WDR6: variants seen among roughly 807,000 people sequenced by gnomAD.
WDR6 encodes the protein tRNA (34-2'-O)-methyltransferase regulator WDR6.
WDR6 carries 58 observed loss-of-function variants against 85.6 expected under a neutral mutation model. The ratio of observed to expected loss-of-function variants is 0.68; its 90% confidence interval spans 0.55 to 0.84. The LOEUF (loss-of-function observed/expected upper bound fraction) is 0.84. WDR6 is among the 40% of genes least tolerant of loss of function. The pLI, the probability that WDR6 is intolerant of heterozygous loss-of-function variation, is 0.00. For missense variants in WDR6, 1,310 were observed against 1,476.4 expected, an observed-to-expected ratio of 0.89 and a Z score of 1.85; for synonymous variants, 569 against 582.2, an observed-to-expected ratio of 0.98 and a Z score of 0.33.
chr3:49,014,749 C>T lies in WDR6; in HGVS notation c.2902+31C>T. ...TAGCTAATGTGCAACCATGGCTACC[C>T]CTCCTCACCTGTCACATAGCCCTCA... On this transcript the variant is annotated intron_variant, in intron 5 of 5. Transcript: ENST00000608424. This position sits in a 1 kb window ranked among gnomAD's most constrained non-coding sequence, Gnocchi z 4.9. 3 of 1,611,756 alleles carry T rather than the reference C, an allele frequency of 1.9e-6. No homozygotes were observed. The highest frequency in any genetic ancestry group is 2.5e-6 in the Non-Finnish European group (3 of 1,178,742).
Position 49,014,368 on chromosome 3 carries a change from C to A in WDR6, c.2667-15C>A. 1 of 1,613,520 alleles carries A rather than the reference C, an allele frequency of 6.2e-7. No individual in the cohort carries two copies. Among genetic ancestry groups the A allele is most frequent in the Non-Finnish European group, 8.5e-7 (1 of 1,179,774 alleles). Reference sequence around the variant, plus strand: ...CTAGGATGCGTTCTGAGCTGGGCCACCCCCCGCCCCCCAGGCTCTTTCTTT... The same window carrying A: ...CTAGGATGCGTTCTGAGCTGGGCCAACCCCCGCCCCCCAGGCTCTTTCTTT... On this transcript the variant is annotated splice_polypyrimidine_tract_variant and intron_variant, in intron 3 of 5. Transcript: ENST00000608424. The surrounding 1 kb of genome is among the most constrained non-coding windows in gnomAD (Gnocchi z 4.9).
chr3:49,012,554 C>T lies in WDR6; in HGVS notation c.1020C>T (p.Leu340=). ...ACCGGGGATTGGGGGTCTCGGCTCT[C>T]TGCTTCAAGTCCCGTAGTAGGCCAG... ...RGYRGLGVSA[L]CFKSRSRPGT... is the part of the protein sequence containing the mutation. Residue 340 remains leucine, a synonymous_variant, in exon 2 of 6, where the codon CTC becomes CTT. Transcript: ENST00000608424. The surrounding 1 kb of genome is among the most constrained non-coding windows in gnomAD (Gnocchi z 4.4). 1 of 1,614,010 alleles carries T rather than the reference C, an allele frequency of 6.2e-7. No homozygotes were observed.
chr3:49,012,651 C>G lies in WDR6; in HGVS notation c.1117C>G (p.Leu373Val), dbSNP rs1299082840. 6.2e-7 allele frequency: 1 copy of G among 1,614,080 alleles called. No individual in the cohort carries two copies. ...LAVTDTGALY[L>V]YDVEVKCWEQ... ...AGTGACTGATACAGGGGCCCTGTAT[C>G]TCTATGACGTCGAGGTCAAGTGCTG... The change falls in exon 2 of 6, where the codon CTC (leucine) becomes GTC (valine). Residue 373 changes from leucine (L) to valine (V), a missense_variant. Leu to Val is a conservative substitution (Grantham distance 32). Transcript: ENST00000608424. This position sits in a 1 kb window ranked among gnomAD's most constrained non-coding sequence, Gnocchi z 4.4.
chr3:49,013,942 T>C lies in WDR6; in HGVS notation c.2408T>C (p.Val803Ala). 3 of 1,613,044 alleles carry C rather than the reference T, an allele frequency of 1.9e-6. No homozygotes were observed. The highest frequency in any genetic ancestry group is 2.5e-6 in the Non-Finnish European group (3 of 1,179,974). Residue 803 changes from valine to alanine, a missense_variant, in exon 2 of 6, where the codon GTG becomes GCG. Physicochemically the swap from Val to Ala is moderately conservative, Grantham distance 64. Transcript: ENST00000608424. This position sits in a 1 kb window ranked among gnomAD's most constrained non-coding sequence, Gnocchi z 4.6. ...DPQPGLTAHV[V>A]SAGGRAEMHC... ...CAGCCAGGCCTGACTGCCCATGTGG[T>C]GTCTGCGGGGGGGCGGGCTGAGATG... is the stretch of plus-strand genomic sequence containing the variant.
At position 49,014,150 on chromosome 3, in the gene WDR6, G is replaced by C. The variant is rs772543497; in HGVS notation, c.2582+34G>C. 6 of 1,614,012 alleles carry C rather than the reference G, an allele frequency of 3.7e-6. No homozygotes were observed. The East Asian group carries it at 1.1e-4, about 30-fold the overall frequency. On this transcript the variant is annotated intron_variant, in intron 2 of 5. Transcript: ENST00000608424. This position sits in a 1 kb window ranked among gnomAD's most constrained non-coding sequence, Gnocchi z 4.9. ...TGCTCCTGGGCAGGGTGTGGTATGG[G>C]TCATGCAGATGCTCCCAGGCTTGCA...
At position 49,012,961 on chromosome 3, in the gene WDR6, T is replaced by C; in HGVS notation, c.1427T>C (p.Ile476Thr). Residue 476 changes from isoleucine (I) to threonine (T), a missense_variant, in exon 2 of 6, where the codon ATC becomes ACC. Physicochemically the swap from Ile to Thr is moderately conservative, Grantham distance 89 (BLOSUM62 -1). Coordinates refer to ENST00000608424, the MANE Select transcript of WDR6 (RefSeq NM_018031.6). The surrounding 1 kb of genome is among the most constrained non-coding windows in gnomAD (Gnocchi z 4.4). ...EISAAPSGKA[I>T]FVKERCRYLL... is the part of the protein sequence containing the mutation. ...TCAGCCGCACCCTCTGGCAAGGCCA[T>C]CTTTGTCAAGGAACGTTGTCGGTAC... 6.2e-7 allele frequency: 1 copy of C among 1,613,926 alleles called. No homozygotes were observed. The highest frequency in any genetic ancestry group is 8.5e-7 in the Non-Finnish European group (1 of 1,179,964).
Position 49,014,180 on chromosome 3 carries a change from C to T in WDR6, c.2583-30C>T, listed in dbSNP as rs115620887. ...GCAGATGCTCCCAGGCTTGCAGGCT[C>T]CACCTGACAGCTGCATGTTGTCTCT... is the stretch of plus-strand genomic sequence containing the variant. On this transcript the variant is annotated intron_variant, in intron 2 of 5. Transcript: ENST00000608424. The surrounding 1 kb of genome is among the most constrained non-coding windows in gnomAD (Gnocchi z 4.9). The T allele has an allele frequency of 0.012, 19,095 of 1,614,134 alleles. 156 individuals carry two copies. The highest frequency in any genetic ancestry group is 0.015 in the South Asian group (1,360 of 91,070).
Position 49,014,860 on chromosome 3 carries a change from A to C in WDR6, c.2938A>C (p.Ser980Arg). 1 of 1,610,060 alleles carries C rather than the reference A, an allele frequency of 6.2e-7. No homozygotes were observed. The highest frequency in any genetic ancestry group is 1.3e-5 in the African/African-American group (1 of 74,948). The part of the protein sequence containing the change: ...GTPSLTLQAH[S>R]CGINSLHTLP... ...CCCCTCCCTGACTCTCCAGGCCCAC[A>C]GCTGTGGTATCAACAGCCTGCACAC... Residue 980 changes from serine (S) to arginine (R), a missense_variant, in exon 6 of 6, where the codon AGC (serine) becomes CGC (arginine). Coordinates refer to ENST00000608424, the MANE Select transcript of WDR6 (RefSeq NM_018031.6). The surrounding 1 kb of genome is among the most constrained non-coding windows in gnomAD (Gnocchi z 4.9).
chr3:49,012,501 C>T lies in WDR6; in HGVS notation c.967C>T (p.Arg323Trp), dbSNP rs142243990. The change falls in exon 2 of 6, where the codon CGG becomes TGG. Residue 323 changes from arginine (R) to tryptophan (W), a missense_variant. Physicochemically the swap from Arg to Trp is moderately radical, Grantham distance 101. Transcript: ENST00000608424. The surrounding 1 kb of genome is among the most constrained non-coding windows in gnomAD (Gnocchi z 4.4). ...CACTGGGGGTGATGACTCAGGCATT[C>T]GGCTGTGGCACTTGGTAGGGCGTGG... ...VITGGDDSGI[R>W]LWHLVGRGYR... 138 of 1,614,012 alleles carry T rather than the reference C, an allele frequency of 8.6e-5. No individual in the cohort carries two copies. In the African/African-American group the frequency reaches 1.6e-3, roughly 18 times the overall value.
At chr3:49,009,178 G>A (rs746391631) in intron 1 of WDR6, among the ~76,000 whole-genome samples, 99 of 151,766 alleles carry the variant, frequency 6.5e-4, no homozygotes, top group Non-Finnish European at 1.1e-3. Flanking sequence ...CACCATACCC[G>A]GCCTCTCTAG....
Position 49,014,146 on chromosome 3 carries a change from A to T in WDR6, c.2582+30A>T. 6.2e-7 allele frequency: 1 copy of T among 1,614,020 alleles called. No individual in the cohort carries two copies. The highest frequency in any genetic ancestry group is 1.1e-5 in the South Asian group (1 of 91,076). On this transcript the variant is annotated intron_variant, in intron 2 of 5. Coordinates refer to ENST00000608424, the MANE Select transcript of WDR6 (RefSeq NM_018031.6). The surrounding 1 kb of genome is among the most constrained non-coding windows in gnomAD (Gnocchi z 4.9). Reference sequence around the variant, plus strand: ...TATATGCTCCTGGGCAGGGTGTGGTATGGGTCATGCAGATGCTCCCAGGCT... The same window carrying T: ...TATATGCTCCTGGGCAGGGTGTGGTTTGGGTCATGCAGATGCTCCCAGGCT...
Position 49,011,306 on chromosome 3 carries a change from T to A in WDR6, c.101-329T>A, listed in dbSNP as rs994845093. 3 of 544,214 alleles carry A rather than the reference T, an allele frequency of 5.5e-6. No individual in the cohort carries two copies. In the African/African-American group the frequency reaches 5.9e-5, roughly 11 times the overall value. The allele number at this position is 544,214 out of a possible 1,614,324, so 33.7% of individuals were successfully genotyped here. A position where few individuals can be genotyped will look rare whatever the true frequency, so the allele number is the denominator to read the frequency against. On this transcript the variant is annotated intron_variant, in intron 1 of 5. Coordinates refer to ENST00000608424, the MANE Select transcript of WDR6 (RefSeq NM_018031.6). ...GTTGGCCAGGCTAGTCCTGAACCCC[T>A]GACCTCAGGTGATTCATCCGCCTGG...
Position 49,015,147 on chromosome 3 carries a change from T to C in WDR6, c.3225T>C (p.His1075=). ...DQRLTFWRLG[H]GEPTFMNSTV... Reference sequence around the variant, plus strand: ...GGCTGACCTTCTGGCGTCTGGGGCATGGTGAACCCACCTTCATGAATAGCA... The same window carrying C: ...GGCTGACCTTCTGGCGTCTGGGGCACGGTGAACCCACCTTCATGAATAGCA... Residue 1075 remains histidine (H), a synonymous_variant, in exon 6 of 6, where the codon CAT becomes CAC. Coordinates refer to ENST00000608424, the MANE Select transcript of WDR6 (RefSeq NM_018031.6). 4.3e-6 allele frequency: 7 copies of C among 1,613,944 alleles called. No homozygotes were observed. The highest frequency in any genetic ancestry group is 5.9e-6 in the Non-Finnish European group (7 of 1,180,038).
At position 49,013,976 on chromosome 3, in the gene WDR6, C is replaced by T. The variant is rs752792418; in HGVS notation, c.2442C>T (p.Phe814=). ...GGGGGCGGGCTGAGATGCACTGCTT[C>T]AGCATCATGGTTACTCCGGACCCCA... The part of the protein sequence containing the change: ...SAGGRAEMHC[F]SIMVTPDPST... Residue 814 remains phenylalanine (F), a synonymous_variant, in exon 2 of 6, where the codon TTC becomes TTT. Transcript: ENST00000608424. The surrounding 1 kb of genome is among the most constrained non-coding windows in gnomAD (Gnocchi z 4.6). 1 of 1,612,010 alleles carries T rather than the reference C, an allele frequency of 6.2e-7. No individual in the cohort carries two copies. Among genetic ancestry groups the T allele is most frequent in the Non-Finnish European group, 8.5e-7 (1 of 1,179,988 alleles).
Position 49,012,543 on chromosome 3 carries a change from G to A in WDR6, c.1009G>A (p.Val337Ile). 1 of 1,614,072 alleles carries A rather than the reference G, an allele frequency of 6.2e-7. No individual in the cohort carries two copies. Among genetic ancestry groups the A allele is most frequent in the Non-Finnish European group, 8.5e-7 (1 of 1,180,020 alleles). The part of the protein sequence containing the change: ...LVGRGYRGLG[V>I]SALCFKSRSR... ...AGGGCGTGGGTACCGGGGATTGGGG[G>A]TCTCGGCTCTCTGCTTCAAGTCCCG... The change falls in exon 2 of 6, where the codon GTC (valine) becomes ATC (isoleucine). Residue 337 changes from valine (V) to isoleucine (I), a missense_variant. Val to Ile is a conservative substitution (Grantham distance 29). Coordinates refer to ENST00000608424, the MANE Select transcript of WDR6 (RefSeq NM_018031.6). This position sits in a 1 kb window ranked among gnomAD's most constrained non-coding sequence, Gnocchi z 4.4.
chr3:49,011,326 G>A lies in WDR6; in HGVS notation c.101-309G>A, dbSNP rs1038156203. Reference sequence around the variant, plus strand: ...ACCCCTGACCTCAGGTGATTCATCCGCCTGGGCTTCCCAAAGTGCTAGGAT... The same window carrying A: ...ACCCCTGACCTCAGGTGATTCATCCACCTGGGCTTCCCAAAGTGCTAGGAT... On this transcript the variant is annotated intron_variant, in intron 1 of 5. Transcript: ENST00000608424. 53 of 711,838 alleles carry A rather than the reference G, an allele frequency of 7.4e-5. 1 individual carries two copies. Among genetic ancestry groups the A allele is most frequent in the Admixed American group, 4.3e-4 (14 of 32,684 alleles). 44.1% of individuals were successfully genotyped at this position (711,838 alleles called of 1,614,324 possible).
In WDR6 at chr3:49,013,273, GCTA is replaced by G; in HGVS notation, c.1740_1742del (p.Tyr581del). On this transcript the variant is annotated inframe_deletion, in exon 2 of 6. Coordinates refer to ENST00000608424, the MANE Select transcript of WDR6 (RefSeq NM_018031.6). This position sits in a 1 kb window ranked among gnomAD's most constrained non-coding sequence, Gnocchi z 4.6. ...GTGACCTCAGTCACATGCCATGGTGGCTATGTGTATACCACAGGGCGTGATGGA... is the reference window on the plus strand; with the variant it reads ...GTGACCTCAGTCACATGCCATGGTGGTGTGTATACCACAGGGCGTGATGGA... The G allele has an allele frequency of 6.2e-7, 1 of 1,614,092 alleles. No homozygotes were observed. Among genetic ancestry groups the G allele is most frequent in the Non-Finnish European group, 8.5e-7 (1 of 1,180,014 alleles).
chr3:49,010,030 A>AT (rs1290880243), intron 1 of WDR6, among the ~76,000 whole-genome samples: 103 of 138,860 alleles, frequency 7.4e-4, no homozygotes, highest in Middle Eastern at 3.8e-3. Flanking sequence ...CCCCATCTCT[A>AT]TTTTTTTTTT....
At position 49,014,813 on chromosome 3, in the gene WDR6, C is replaced by CTCTT. The variant is rs1254887521; in HGVS notation, c.2903-11_2903-8dup. The stretch of plus-strand genomic sequence containing the variant: ...CGGGGCCCTGACAACTACCCTCTTC[C>CTCTT]TCTTCCTTCAGGGCTTGGCACCCCC... On this transcript the variant is annotated splice_polypyrimidine_tract_variant and intron_variant, in intron 5 of 5. Transcript: ENST00000608424. The surrounding 1 kb of genome is among the most constrained non-coding windows in gnomAD (Gnocchi z 4.9). 6.2e-7 allele frequency: 1 copy of CTCTT among 1,601,440 alleles called. No homozygotes were observed. Among genetic ancestry groups the CTCTT allele is most frequent in the Admixed American group, 1.7e-5 (1 of 59,476 alleles).
Sources: allele counts gnomAD v4.1 joint callset (sites outside exome capture counted in the v4.1 genomes callset), GRCh38; gene constraint gnomAD v4.1.1; non-coding constraint Gnocchi (gnomAD v3.1); transcripts MANE v1.5; gene names NCBI Gene and HGNC (gene_info 2026-07-23, HGNC 2026-07-21).